The following SLC25A40 variants were observed in gnomAD, a reference collection of about 807,000 sequenced individuals.
SLC25A40 encodes the protein solute carrier family 25 member 40, also known as mitochondrial glutathione transporter SLC25A40.
In SLC25A40, 41 loss-of-function variants were observed where a neutral mutation model predicts 46.5. The ratio of observed to expected loss-of-function variants is 0.88; its 90% confidence interval spans 0.69 to 1.14. SLC25A40 has a LOEUF of 1.14. SLC25A40 is among the 50% of genes most tolerant of loss of function. The pLI is 0.00. For synonymous variants in SLC25A40, 126 were observed against 127.5 expected (o/e 0.99, Z 0.08); for missense variants, 386 against 393.6 (o/e 0.98, Z 0.16).
intron 2 of SLC25A40, among the ~76,000 whole-genome samples, chr7:87,859,758 ATTG>A (rs1376365526): frequency 2.6e-5 from 4 of 152,170 alleles, no homozygotes; most frequent in Non-Finnish European, 5.9e-5. Flanking sequence ...TCAGTTTCAG[ATTG>A]TTAGATATCA....
At chr7:87,846,171 A>G (rs982607995) in intron 8 of SLC25A40, among the ~76,000 whole-genome samples, 1 of 152,210 alleles carries the variant, frequency 6.6e-6, no homozygotes, top group African/African-American at 2.4e-5. Flanking sequence ...AAACTAAACA[A>G]TATAATGTTT....
chr7:87,841,976 A>C (rs912984957), intron 9 of SLC25A40: 1 of 382,658 alleles, frequency 2.6e-6, no homozygotes, highest in Non-Finnish European at 5.1e-6. Context: ...CACAATTCCA[A>C]CCAAGCCTCT....
chr7:87,865,766 C>T (rs1027482232), intron 1 of SLC25A40, among the ~76,000 whole-genome samples: 1 of 151,152 alleles, frequency 6.6e-6, no homozygotes, highest in Admixed American at 6.6e-5. Flanking sequence ...AGTGAGACTC[C>T]GTCTCGGGGG....
chr7:87,874,501 T>C lies in SLC25A40; in HGVS notation c.-94+1595A>G, dbSNP rs77509581. On this transcript the variant is annotated intron_variant, in intron 1 of 11. Transcript: ENST00000341119. ...TAATTTTTATCTAGTACTGTACTTA[T>C]CTCTGCCACCTACTCAAATTACCCT... is the stretch of plus-strand genomic sequence containing the variant. 4.1e-4 allele frequency among the ~76,000 whole-genome samples: 62 copies of C among 152,304 alleles called. No homozygotes were observed. In the East Asian group the frequency reaches 0.012, roughly 29 times the overall value.
intron 8 of SLC25A40, among the ~76,000 whole-genome samples, chr7:87,846,686 T>C (rs537348496): frequency 6.6e-6 from 1 of 152,254 alleles, no homozygotes; most frequent in Non-Finnish European, 1.5e-5. Context: ...TAAAGGTAGT[T>C]TGCATTCTCT....
chr7:87,839,623 T>A (rs932310383), intron 10 of SLC25A40, among the ~76,000 whole-genome samples: 1 of 151,700 alleles, frequency 6.6e-6, no homozygotes, highest in African/African-American at 2.4e-5. Flanking sequence ...GTTATTTCTG[T>A]TATAGGATAT....
chr7:87,848,810 T>A (rs1838461170), intron 6 of SLC25A40, among the ~76,000 whole-genome samples: 1 of 152,214 alleles, frequency 6.6e-6, no homozygotes, highest in Non-Finnish European at 1.5e-5. Flanking sequence ...ATTCACAGAC[T>A]ATAAATTGGA....
chr7:87,843,791 A>C lies in SLC25A40; in HGVS notation c.704T>G (p.Phe235Cys). Residue 235 changes from phenylalanine to cysteine, a missense_variant, in exon 9 of 12, where the codon TTT becomes TGT. Physicochemically the swap from Phe to Cys is radical, Grantham distance 205. Coordinates refer to ENST00000341119, the MANE Select transcript of SLC25A40 (RefSeq NM_018843.4). ...CEKSGLYEPTFMINFTSGALS... is the reference protein window; with the variant it reads ...CEKSGLYEPTCMINFTSGALS... ...TGCCCCTGAAGTAAAGTTGATCATA[A>C]ATGTTGGCTCATATAAACCAGATTT... 6.2e-7 allele frequency: 1 copy of C among 1,611,528 alleles called. No homozygotes were observed. Among genetic ancestry groups the C allele is most frequent in the Non-Finnish European group, 8.5e-7 (1 of 1,178,432 alleles).
intron 4 of SLC25A40, among the ~76,000 whole-genome samples, chr7:87,855,409 G>T (rs116798361): frequency 0.028 from 4,251 of 152,088 alleles, 59 homozygotes; most frequent in Middle Eastern, 0.048. Flanking sequence ...GTACTGTACT[G>T]CTCAGTCTAG....
At chr7:87,863,987 AAGGATTTCT>A (rs1838746978) in intron 1 of SLC25A40, among the ~76,000 whole-genome samples, 1 of 152,194 alleles carries the variant, frequency 6.6e-6, no homozygotes, top group Non-Finnish European at 1.5e-5. Flanking sequence ...CAATTAACAT[AAGGATTTCT>A]AGGACTTCTA....
At position 87,834,061 on chromosome 7, in the gene SLC25A40, A is replaced by ATT. The variant is rs2130991395; in HGVS notation, c.*2186_*2187dup. ...AAATGTTTATGTTAGAAAATTTAAC[A>ATT]TTAATAGAATAAAAACTGTTTTAGA... is the stretch of plus-strand genomic sequence containing the variant. On this transcript the variant is annotated 3_prime_UTR_variant, in exon 12 of 12. Coordinates refer to ENST00000341119, the MANE Select transcript of SLC25A40 (RefSeq NM_018843.4). 6.6e-6 allele frequency: 1 copy of ATT among 152,072 alleles called. No individual in the cohort carries two copies. Among genetic ancestry groups the ATT allele is most frequent in the African/African-American group, 2.4e-5 (1 of 41,536 alleles). 9.4% of individuals were successfully genotyped at this position (152,072 alleles called of 1,614,324 possible).
intron 7 of SLC25A40, among the ~76,000 whole-genome samples, chr7:87,847,487 G>C (rs1022847178): frequency 5.9e-5 from 9 of 151,862 alleles, no homozygotes; most frequent in African/African-American, 2.2e-4. Flanking sequence ...TAGAGTCAAC[G>C]TTCCTTATGA....
chr7:87,854,421 A>G (rs1400825690), intron 4 of SLC25A40, 111 bp from the exon 5 acceptor site: 1 of 650,288 alleles, frequency 1.5e-6, no homozygotes, highest in African/African-American at 1.8e-5. Flanking sequence ...CGAAAAGAGA[A>G]ACAATCTTGA....
rs749090733 is a variant in SLC25A40 at position 87,847,987 on chromosome 7, C to T, written c.333-10G>A. ...AGGAACTGCCATCACTCTGTTAGAT[C>T]ACACAAAAAGATTTGTTCAAAATTA... On this transcript the variant is annotated splice_polypyrimidine_tract_variant and intron_variant, in intron 6 of 11. Transcript: ENST00000341119. 3.8e-6 allele frequency: 6 copies of T among 1,594,118 alleles called. No homozygotes were observed. Among genetic ancestry groups the T allele is most frequent in the Non-Finnish European group, 8.5e-7 (1 of 1,174,242 alleles).
chr7:87,866,998 TTC>T (rs371330407), intron 1 of SLC25A40, among the ~76,000 whole-genome samples: 4 of 151,976 alleles, frequency 2.6e-5, no homozygotes, highest in African/African-American at 9.7e-5. Context: ...TAAGCGCTTA[TTC>T]TGTCTTTTTC....
At chr7:87,841,133 ATGTGTGTGTGTG>A (rs561277692) in intron 10 of SLC25A40, among the ~76,000 whole-genome samples, 2 of 142,910 alleles carry the variant, frequency 1.4e-5, no homozygotes, top group Non-Finnish European at 3.1e-5. Flanking sequence ...TAAAAACAAA[ATGTGTGTGTGTG>A]TGTGTGTGTG....
At position 87,836,344 on chromosome 7, in the gene SLC25A40, T is replaced by C; in HGVS notation, c.922A>G (p.Ile308Val). Reference protein sequence around the residue: ...GLFSGLIPRLIKIAPACAIMI... With the variant: ...GLFSGLIPRLVKIAPACAIMI... ...ATGGCACAAGCAGGAGCAATTTTAA[T>C]TAAGCGAGGAATTAGGCCTGAGAAA... Residue 308 changes from isoleucine to valine, a missense_variant, in exon 12 of 12, where the codon ATT (isoleucine) becomes GTT (valine). Ile to Val is a conservative substitution (Grantham distance 29). Coordinates refer to ENST00000341119, the MANE Select transcript of SLC25A40 (RefSeq NM_018843.4). 1 of 1,548,282 alleles carries C rather than the reference T, an allele frequency of 6.5e-7. No individual in the cohort carries two copies. Among genetic ancestry groups the C allele is most frequent in the Non-Finnish European group, 8.7e-7 (1 of 1,153,108 alleles).
chr7:87,836,678 A>G (rs1838261903), intron 11 of SLC25A40, 52 bp downstream of exon 11: 1 of 1,223,608 alleles, frequency 8.2e-7, no homozygotes, highest in East Asian at 2.8e-5. Context: ...AGAAGGTAAT[A>G]TTTTAAAAGT....
chr7:87,856,286 A>C lies in SLC25A40; in HGVS notation c.157+6T>G. The C allele has an allele frequency of 6.2e-7, 1 of 1,608,714 alleles. No homozygotes were observed. On this transcript the variant is annotated splice_donor_region_variant and intron_variant, in intron 4 of 11. Transcript: ENST00000341119. Reference sequence around the variant, plus strand: ...ATAACATTTTTAGGGCAATTAGTACACATACCTTTGGGGAGTGGGTTGTTT... The same window carrying C: ...ATAACATTTTTAGGGCAATTAGTACCCATACCTTTGGGGAGTGGGTTGTTT...
Sources: gnomAD v4.1 joint callset for allele counts (sites outside exome capture counted in the v4.1 genomes callset) on GRCh38, gnomAD v4.1.1 for gene constraint, MANE v1.5 for transcripts, NCBI Gene and HGNC (gene_info 2026-07-23, HGNC 2026-07-21) for gene names.